Variants in CCDC181 observed in about 807,000 individuals in gnomAD.
CCDC181 encodes coiled-coil domain-containing protein 181.
In CCDC181, 35 loss-of-function variants were observed where a neutral mutation model predicts 58.7. The ratio of observed to expected loss-of-function variants is 0.60; its 90% CI spans 0.46 to 0.79. The LOEUF (loss-of-function observed/expected upper bound fraction) is 0.79, where lower values mean the gene tolerates loss of function less well. Ranked by LOEUF, CCDC181 falls within the 30% of genes least tolerant of loss-of-function variation. The pLI is 0.00. For synonymous variants in CCDC181, 183 were observed against 197.5 expected (o/e 0.93, Z 0.62); for missense variants, 517 against 583.9 (o/e 0.89, Z 1.18).
chr1:169,409,553 C>T (rs1051402604), intron 4 of CCDC181, among the ~76,000 whole-genome samples: 1 of 152,112 alleles, frequency 6.6e-6, no homozygotes, highest in Non-Finnish European at 1.5e-5. Flanking sequence ...CACAAAGATA[C>T]TCCTCAAGAA....
chr1:169,400,773 C>T (rs574877236), intron 4 of CCDC181, among the ~76,000 whole-genome samples: 5 of 152,186 alleles, frequency 3.3e-5, no homozygotes, highest in South Asian at 4.1e-4. Context: ...GTGATTTCTG[C>T]ATTTCCAACT....
chr1:169,428,069 C>G (rs1486165038), upstream of CCDC181, among the ~76,000 whole-genome samples: 1 of 152,036 alleles, frequency 6.6e-6, no homozygotes, highest in East Asian at 1.9e-4. Flanking sequence ...TCAGTACAAT[C>G]CAGTGTGTTC....
At chr1:169,449,447 TA>T (rs1657471474) in intron 2 of CCDC181, among the ~76,000 whole-genome samples, 1 of 152,220 alleles carries the variant, frequency 6.6e-6, no homozygotes, top group Admixed American at 6.5e-5. Flanking sequence ...TAGATGTATA[TA>T]TGAAAGTTAG....
rs1167249687 is a variant in CCDC181 at position 169,419,025 on chromosome 1, G to C, written c.1203C>G (p.Asp401Glu). 6.2e-7 allele frequency: 1 copy of C among 1,612,546 alleles called. No individual in the cohort carries two copies. Among genetic ancestry groups the C allele is most frequent in the Non-Finnish European group, 8.5e-7 (1 of 1,179,234 alleles). Reference protein sequence around the residue: ...RRIQRAKEIEDMNSRQENRDP... With the variant: ...RRIQRAKEIEEMNSRQENRDP... ...AAGTTTTACTTACTCTACTGTTCAT[G>C]TCTTCAATTTCCTTTGCTCGCTGAA... The change falls in exon 4 of 6, where the codon GAC becomes GAG. Residue 401 changes from aspartate (D) to glutamate (E), a missense_variant. Transcript: ENST00000367806.
intron 2 of CCDC181, among the ~76,000 whole-genome samples, chr1:169,448,624 T>G (rs1351958126): frequency 6.6e-6 from 1 of 152,158 alleles, no homozygotes; most frequent in Non-Finnish European, 1.5e-5. Flanking sequence ...AATTTGAATA[T>G]GATATGCCCT....
At chr1:169,409,127 A>T (rs1655824411) in intron 4 of CCDC181, among the ~76,000 whole-genome samples, 1 of 152,220 alleles carries the variant, frequency 6.6e-6, no homozygotes, top group African/African-American at 2.4e-5. Flanking sequence ...AATGCAAGGA[A>T]GCTAAGAATC....
At chr1:169,432,667 A>T (rs1221639710) in intron 2 of CCDC181, among the ~76,000 whole-genome samples, 1 of 152,124 alleles carries the variant, frequency 6.6e-6, no homozygotes, top group Admixed American at 6.6e-5. Context: ...GCCAAAAGTG[A>T]TTTATTCCTA....
chr1:169,404,913 T>C (rs1331687151), intron 4 of CCDC181, among the ~76,000 whole-genome samples: 2 of 152,172 alleles, frequency 1.3e-5, no homozygotes, highest in African/African-American at 2.4e-5. Context: ...AGAAACCCCA[T>C]CGTCTCAGCC....
intron 2 of CCDC181, among the ~76,000 whole-genome samples, chr1:169,453,622 C>A (rs934582206): frequency 6.6e-6 from 1 of 151,974 alleles, no homozygotes; most frequent in Non-Finnish European, 1.5e-5. Context: ...GGAAATATTG[C>A]CCCCAAGTTC....
At position 169,395,142 on chromosome 1, in the gene CCDC181, G is replaced by C. The variant is rs143480947; in HGVS notation, c.1435C>G (p.Gln479Glu). The C allele has an allele frequency of 1.1e-5, 18 of 1,613,612 alleles. No individual in the cohort carries two copies. Among genetic ancestry groups the C allele is most frequent in the Non-Finnish European group, 1.5e-5 (18 of 1,179,790 alleles). Reference sequence around the variant, plus strand: ...GAACGCTTAGCTTCTAGTCGGAGCTGTCTAGTTCTCTCTCTGACAGCTTGT... The same window carrying C: ...GAACGCTTAGCTTCTAGTCGGAGCTCTCTAGTTCTCTCTCTGACAGCTTGT... ...EQQAVRERTR[Q>E]LRLEAKRSKQ... The change falls in exon 6 of 6, where the codon CAG becomes GAG. Residue 479 changes from glutamine (Q) to glutamate (E), a missense_variant. By Grantham distance (29) the Gln-to-Glu change is conservative. Transcript: ENST00000367806.
chr1:169,404,320 A>G (rs1401700280), intron 4 of CCDC181, among the ~76,000 whole-genome samples: 1 of 152,224 alleles, frequency 6.6e-6, no homozygotes, highest in Non-Finnish European at 1.5e-5. Context: ...TAAGGCCAGC[A>G]TCATCCTGAT....
chr1:169,411,605 T>C (rs1416839925), intron 4 of CCDC181, among the ~76,000 whole-genome samples: 1 of 152,054 alleles, frequency 6.6e-6, no homozygotes, highest in African/African-American at 2.4e-5. Flanking sequence ...CAAGCCAATA[T>C]CCCTGATGAA....
chr1:169,404,811 G>A (rs977667390), intron 4 of CCDC181, among the ~76,000 whole-genome samples: 1 of 152,176 alleles, frequency 6.6e-6, no homozygotes, highest in Admixed American at 6.5e-5. Context: ...TCTGGACAGG[G>A]CAATCAGGCA....
chr1:169,421,655 G>A lies in CCDC181; in HGVS notation c.776C>T (p.Ser259Phe). 2 of 1,614,166 alleles carry A rather than the reference G, an allele frequency of 1.2e-6. No individual in the cohort carries two copies. The highest frequency in any genetic ancestry group is 1.1e-5 in the South Asian group (1 of 91,076). The change falls in exon 3 of 6, where the codon TCT becomes TTT. Residue 259 changes from serine (S) to phenylalanine (F), a missense_variant. Physicochemically the swap from Ser to Phe is radical, Grantham distance 155 (BLOSUM62 -2). Coordinates refer to ENST00000367806, the MANE Select transcript of CCDC181 (RefSeq NM_001300969.2). The stretch of plus-strand genomic sequence containing the variant: ...GGTGCCACTGACAGAGGAGTTGGAA[G>A]ATCTGGGTAACAACTGCTGAGGGTC... ...ENDPQQLLPR[S>F]SNSSVSGTKK...
rs115885801 is a variant in CCDC181, at chr1:169,407,801, G to A, written c.1216-10410C>T. Among the ~76,000 whole-genome samples the A allele has an allele frequency of 3.4e-3, 521 of 152,270 alleles. 3 individuals are homozygous for A. Among genetic ancestry groups the A allele is most frequent in the African/African-American group, 7.1e-3 (296 of 41,570 alleles). ...AGGGTGAGCCGAGGCAGGGTGAAGC[G>A]TCGCCTCACCTGGGAAGCTCAAGGG... On this transcript the variant is annotated intron_variant, in intron 4 of 5. Coordinates refer to ENST00000367806, the MANE Select transcript of CCDC181 (RefSeq NM_001300969.2).
intron 2 of CCDC181, among the ~76,000 whole-genome samples, chr1:169,439,825 T>C (rs964082417): frequency 1.3e-5 from 2 of 152,098 alleles, no homozygotes; most frequent in Non-Finnish European, 2.9e-5. Context: ...GGAAAGGGAA[T>C]AGAGTGATAA....
chr1:169,427,475 G>C (rs373179913), upstream of CCDC181: 1 of 152,240 alleles, frequency 6.6e-6, no homozygotes, highest in African/African-American at 2.4e-5. Flanking sequence ...CTACGAGAGC[G>C]ACAAAAATCT....
At chr1:169,407,282 A>G (rs1206314138) in intron 4 of CCDC181, among the ~76,000 whole-genome samples, 1 of 152,208 alleles carries the variant, frequency 6.6e-6, no homozygotes, top group Non-Finnish European at 1.5e-5. Context: ...TAAGAATGAT[A>G]GCCAACCTCT....
At chr1:169,424,698 A>G in intron 2 of CCDC181, 113 bp downstream of exon 2, 1 of 627,450 alleles carries the variant, frequency 1.6e-6, no homozygotes, top group Non-Finnish European at 2.8e-6. Context: ...AATTTGCCCA[A>G]TGTAGATCAA....
Sources: allele counts gnomAD v4.1 joint callset (sites outside exome capture counted in the v4.1 genomes callset), GRCh38; gene constraint gnomAD v4.1.1; transcripts MANE v1.5; gene names NCBI Gene and HGNC (gene_info 2026-07-23, HGNC 2026-07-21).